EYS: variants seen among roughly 807,000 people sequenced by gnomAD.
EYS encodes EGF-like photoreceptor maintenance factor.
Under a neutral mutation model 282.1 loss-of-function variants are expected in EYS, and 250 were observed. The ratio of observed to expected loss-of-function variants is 0.89; its 90% CI spans 0.80 to 0.98. The LOEUF is 0.98. EYS is among the 50% of genes least tolerant of loss of function. The pLI is 0.00. For missense variants in EYS, 4,016 were observed against 3,709.0 expected, an observed-to-expected ratio of 1.08 and a Z score of -2.15; for synonymous variants, 1,355 against 1,282.9, an observed-to-expected ratio of 1.06 and a Z score of -1.20.
At chr6:65,624,700 C>G (rs1319780879) in intron 2 of EYS, among the ~76,000 whole-genome samples, 1 of 152,120 alleles carries the variant, frequency 6.6e-6, no homozygotes, top group Non-Finnish European at 1.5e-5. Flanking sequence ...AGTCTTCCTG[C>G]CTTCATTTTT....
intron 35 of EYS, among the ~76,000 whole-genome samples, chr6:63,919,779 C>T (rs571990462): frequency 1.8e-4 from 27 of 152,360 alleles, no homozygotes; most frequent in South Asian, 1.4e-3. Flanking sequence ...TTTACACTCA[C>T]CCCAGGAGCT....
At chr6:64,059,192 T>C (rs1007142438) in intron 33 of EYS, among the ~76,000 whole-genome samples, 4 of 152,204 alleles carry the variant, frequency 2.6e-5, no homozygotes, top group African/African-American at 9.6e-5. Flanking sequence ...TTTTATATTA[T>C]AGATGTACTT....
At chr6:65,053,443 C>G (rs1467685211) in intron 13 of EYS, among the ~76,000 whole-genome samples, 4 of 133,280 alleles carry the variant, frequency 3.0e-5, no homozygotes, top group Non-Finnish European at 7.2e-5. Context: ...TGAATCTAAC[C>G]TAGTACAATG....
intron 22 of EYS, among the ~76,000 whole-genome samples, chr6:64,636,348 C>A (rs1351425907): frequency 6.6e-6 from 1 of 152,124 alleles, no homozygotes. Flanking sequence ...GAAAGCGTTC[C>A]CTATTTAACA....
intron 12 of EYS, among the ~76,000 whole-genome samples, chr6:65,148,890 G>A (rs1023178784): frequency 2.6e-5 from 4 of 152,210 alleles, no homozygotes; most frequent in Admixed American, 6.5e-5. Flanking sequence ...ACCCTCTGAA[G>A]TAATGGCCCA....
At chr6:65,357,944 G>C (rs1162657136) in intron 8 of EYS, among the ~76,000 whole-genome samples, 2 of 151,888 alleles carry the variant, frequency 1.3e-5, no homozygotes, top group African/African-American at 2.4e-5. Context: ...AGGTGTCTTT[G>C]TGGAATTCAG....
At chr6:64,767,457 T>A (rs1302143512) in intron 22 of EYS, among the ~76,000 whole-genome samples, 1 of 152,166 alleles carries the variant, frequency 6.6e-6, no homozygotes, top group Non-Finnish European at 1.5e-5. Context: ...TCTAGTATTC[T>A]TTGTTCTATT....
chr6:65,011,461 C>T lies in EYS; in HGVS notation c.2138-13758G>A, dbSNP rs543426892. ...AATGCAGTCCATGACTAAGGTCTAC[C>T]GCAGACCCCTGGACTGACCAGCTAG... On this transcript the variant is annotated intron_variant, in intron 13 of 42. Coordinates refer to ENST00000503581, the MANE Select transcript of EYS (RefSeq NM_001142800.2). Among the ~76,000 whole-genome samples the T allele has an allele frequency of 4.3e-4, 65 of 152,250 alleles. No individual in the cohort carries two copies. The South Asian group carries it at 0.01, about 24-fold the overall frequency.
intron 12 of EYS, among the ~76,000 whole-genome samples, chr6:65,267,886 C>T (rs1767800039): frequency 6.6e-6 from 1 of 151,818 alleles, no homozygotes; most frequent in South Asian, 2.1e-4. Context: ...TAAACCTATA[C>T]CTCTTCAAAA....
intron 19 of EYS, among the ~76,000 whole-genome samples, chr6:64,838,177 T>A (rs1397739979): frequency 6.6e-6 from 1 of 151,930 alleles, no homozygotes; most frequent in Non-Finnish European, 1.5e-5. Flanking sequence ...TAGTTTTACA[T>A]GTATTTCATA....
intron 30 of EYS, among the ~76,000 whole-genome samples, chr6:64,296,696 T>C (rs1769040613): frequency 6.7e-6 from 1 of 149,460 alleles, no homozygotes; most frequent in Admixed American, 6.7e-5. Context: ...ACCCTCTGCC[T>C]CTTGGGTTCA....
chr6:65,206,421 G>C (rs1008850379), intron 12 of EYS, among the ~76,000 whole-genome samples: 4 of 151,172 alleles, frequency 2.6e-5, no homozygotes, highest in Non-Finnish European at 5.9e-5. Flanking sequence ...ATAAGCCCAG[G>C]ACCAACAGAT....
chr6:64,941,799 T>C (rs1769099620), intron 15 of EYS, among the ~76,000 whole-genome samples: 1 of 152,162 alleles, frequency 6.6e-6, no homozygotes, highest in African/African-American at 2.4e-5. Context: ...TTTGTTCTTC[T>C]TCATGGCTGC....
At chr6:65,415,416 C>T (rs1767192492) in intron 5 of EYS, among the ~76,000 whole-genome samples, 2 of 151,886 alleles carry the variant, frequency 1.3e-5, no homozygotes, top group African/African-American at 4.8e-5. Flanking sequence ...GTATGAAGTA[C>T]AGTGGTATGA....
intron 1 of EYS, among the ~76,000 whole-genome samples, chr6:65,702,892 A>G (rs1017754513): frequency 9.2e-5 from 14 of 152,128 alleles, no homozygotes; most frequent in Middle Eastern, 3.2e-3. Flanking sequence ...ACATCAGTTT[A>G]GATGTTGCTA....
intron 22 of EYS, among the ~76,000 whole-genome samples, chr6:64,700,381 C>A (rs1328352637): frequency 6.6e-6 from 1 of 151,890 alleles, no homozygotes; most frequent in Admixed American, 6.6e-5. Context: ...AAGTCTTAGC[C>A]AGAGCAATCA....
chr6:64,704,493 A>ATATAATACTTATAATAATATTATAAT (rs1393541870), intron 22 of EYS, among the ~76,000 whole-genome samples: 34 of 12,604 alleles, frequency 2.7e-3, no homozygotes, highest in East Asian at 0.022. Flanking sequence ...TATAATTATA[A>ATATAATACTTATAATAATATTATAAT]TATAATACTT....
At chr6:65,599,461 T>G (rs1765540528) in intron 2 of EYS, among the ~76,000 whole-genome samples, 1 of 152,094 alleles carries the variant, frequency 6.6e-6, no homozygotes, top group Admixed American at 6.6e-5. Flanking sequence ...TCCAAGACTT[T>G]GTATTATCTT....
At chr6:64,789,811 T>G (rs1015005436) in intron 22 of EYS, among the ~76,000 whole-genome samples, 1 of 151,908 alleles carries the variant, frequency 6.6e-6, no homozygotes, top group African/African-American at 2.4e-5. Context: ...GCACAGCAGA[T>G]GCTCAGTAAG....
Sources: gnomAD v4.1 joint callset for allele counts (sites outside exome capture counted in the v4.1 genomes callset) on GRCh38, gnomAD v4.1.1 for gene constraint, MANE v1.5 for transcripts, NCBI Gene and HGNC (gene_info 2026-07-23, HGNC 2026-07-21) for gene names.